Variants in NCKAP5 observed in about 807,000 individuals in gnomAD.
The protein encoded by NCKAP5 is nck-associated protein 5.
A neutral mutation model predicts 167.0 loss-of-function variants in NCKAP5; 92 were observed. The ratio of observed to expected loss-of-function variants is 0.55; its 90% CI spans 0.47 to 0.66. The LOEUF (loss-of-function observed/expected upper bound fraction) is 0.66, where lower values mean the gene tolerates loss of function less well. NCKAP5 is among the 30% of genes least tolerant of loss of function. NCKAP5 has a pLI of 0.00. For synonymous variants in NCKAP5, 891 were observed against 877.4 expected, an observed-to-expected ratio of 1.02 and a Z score of -0.27; for missense variants, 2,378 against 2,315.0, an observed-to-expected ratio of 1.03 and a Z score of -0.56.
At chr2:133,633,071 C>CA in the NCKAP5 span, among the ~76,000 whole-genome samples, 1 of 152,136 alleles carries the variant, frequency 6.6e-6, no homozygotes, top group Non-Finnish European at 1.5e-5. Flanking sequence ...CAAATGTGTG[C>CA]ATCCTTTATT....
At chr2:132,748,281 CAT>C (rs1679817665) in intron 16 of NCKAP5, among the ~76,000 whole-genome samples, 1 of 152,208 alleles carries the variant, frequency 6.6e-6, no homozygotes, top group African/African-American at 2.4e-5. Flanking sequence ...CAAATAAGGT[CAT>C]AAACTCATTC....
intron 2 of NCKAP5, among the ~76,000 whole-genome samples, chr2:133,552,904 G>T (rs541498471): frequency 1.3e-5 from 2 of 152,236 alleles, no homozygotes; most frequent in African/African-American, 4.8e-5. Context: ...GTTGCTATAT[G>T]CTCAAATTGT....
chr2:132,743,030 C>T (rs1169848974), intron 16 of NCKAP5, among the ~76,000 whole-genome samples: 1 of 151,504 alleles, frequency 6.6e-6, no homozygotes, highest in Non-Finnish European at 1.5e-5. Context: ...ATTTTTGCTT[C>T]CATCCATGAA....
chr2:133,290,365 T>G (rs529704992), intron 4 of NCKAP5, among the ~76,000 whole-genome samples: 1 of 152,348 alleles, frequency 6.6e-6, no homozygotes, highest in Non-Finnish European at 1.5e-5. Flanking sequence ...TTGCTTCTAC[T>G]GATAAGGTTG....
intron 5 of NCKAP5, among the ~76,000 whole-genome samples, chr2:133,158,992 G>T (rs1350527654): frequency 1.4e-5 from 2 of 148,006 alleles, no homozygotes; most frequent in East Asian, 4.3e-4. Context: ...ATGTGAATTT[G>T]GCAAGAGTGG....
At chr2:132,949,380 C>T (rs2076112249) in intron 8 of NCKAP5, among the ~76,000 whole-genome samples, 1 of 152,142 alleles carries the variant, frequency 6.6e-6, no homozygotes, top group Non-Finnish European at 1.5e-5. Context: ...CACCTCCAAC[C>T]AGCTCTCTCT....
At chr2:133,001,517 T>C (rs954900422) in intron 6 of NCKAP5, among the ~76,000 whole-genome samples, 5 of 152,276 alleles carry the variant, frequency 3.3e-5, no homozygotes, top group Admixed American at 1.3e-4. Flanking sequence ...ATCAAAAATA[T>C]TTCATTTCAA....
chr2:132,829,090 G>A (rs922238315), intron 11 of NCKAP5, among the ~76,000 whole-genome samples: 7 of 152,244 alleles, frequency 4.6e-5, no homozygotes, highest in Admixed American at 6.5e-5. Context: ...TAAAAACAAC[G>A]ACAATGTCAG....
intron 8 of NCKAP5, among the ~76,000 whole-genome samples, chr2:132,907,824 AT>A (rs1484616121): frequency 6.6e-6 from 1 of 151,724 alleles, no homozygotes; most frequent in Non-Finnish European, 1.5e-5. Flanking sequence ...TGCCCGGCTA[AT>A]TTTTTGTAGT....
At position 132,672,790 on chromosome 2, in the gene NCKAP5, T is replaced by G. The variant is rs1683909462; in HGVS notation, c.*499A>C. On this transcript the variant is annotated 3_prime_UTR_variant, in exon 20 of 20. Coordinates refer to ENST00000409261, the MANE Select transcript of NCKAP5 (RefSeq NM_207363.3). ...TCAAAAAAAGTGCAAAATTAAGGAT[T>G]CTGTATCATAGATGTGTTTACGCTT... 1 of 236,076 alleles carries G rather than the reference T, an allele frequency of 4.2e-6. No homozygotes were observed. The highest frequency in any genetic ancestry group is 6.5e-5 in the Admixed American group (1 of 15,402). 14.6% of individuals were successfully genotyped at this position (236,076 alleles called of 1,614,324 possible). A position where few individuals can be genotyped will look rare whatever the true frequency, so the allele number is the denominator to read the frequency against.
chr2:132,762,341 A>G (rs1441559829), intron 16 of NCKAP5, among the ~76,000 whole-genome samples: 2 of 151,494 alleles, frequency 1.3e-5, no homozygotes, highest in Non-Finnish European at 3.0e-5. Flanking sequence ...GCATACTGCT[A>G]TCTGACTTTG....
intron 16 of NCKAP5, among the ~76,000 whole-genome samples, chr2:132,753,585 C>T (rs1019173256): frequency 6.6e-5 from 10 of 152,166 alleles, no homozygotes; most frequent in Non-Finnish European, 1.2e-4. Flanking sequence ...AATGCCCCCT[C>T]TCCCCACATT....
chr2:133,420,312 G>C (rs1014498191), intron 3 of NCKAP5, among the ~76,000 whole-genome samples: 2 of 152,204 alleles, frequency 1.3e-5, no homozygotes, highest in Non-Finnish European at 2.9e-5. Context: ...CTACAGCATG[G>C]AGAAATCCTG....
chr2:133,052,814 G>T (rs576904676), intron 6 of NCKAP5, among the ~76,000 whole-genome samples: 3 of 151,522 alleles, frequency 2.0e-5, no homozygotes, highest in Admixed American at 2.0e-4. Flanking sequence ...ATAAACAATT[G>T]TTTATCAACA....
At chr2:133,606,041 G>T in the NCKAP5 span, among the ~76,000 whole-genome samples, 1 of 152,112 alleles carries the variant, frequency 6.6e-6, no homozygotes, top group Non-Finnish European at 1.5e-5. Flanking sequence ...AAAAAATGCT[G>T]ATTTTTATGT....
chr2:132,804,220 T>C (rs1419628582), intron 11 of NCKAP5, among the ~76,000 whole-genome samples: 1 of 152,194 alleles, frequency 6.6e-6, no homozygotes, highest in Non-Finnish European at 1.5e-5. Flanking sequence ...GACTCGCATT[T>C]GCTTGCCAAG....
intron 11 of NCKAP5, among the ~76,000 whole-genome samples, chr2:132,836,520 C>T (rs1220630853): frequency 1.3e-5 from 2 of 151,698 alleles, no homozygotes; most frequent in African/African-American, 2.4e-5. Context: ...TCATCAGTAA[C>T]ACGTTCCATA....
chr2:132,798,656 T>C (rs1476338220), intron 11 of NCKAP5, among the ~76,000 whole-genome samples: 1 of 152,212 alleles, frequency 6.6e-6, no homozygotes, highest in Non-Finnish European at 1.5e-5. Flanking sequence ...TCCTCAAGGC[T>C]GTTTCAGTGG....
chr2:133,059,225 A>G (rs191043565), intron 6 of NCKAP5, among the ~76,000 whole-genome samples: 1,852 of 151,834 alleles, frequency 0.012, 26 homozygotes, highest in African/African-American at 0.041. Context: ...GCATGAACCC[A>G]GGAAGGGGAG....
Sources: allele counts gnomAD v4.1 joint callset (sites outside exome capture counted in the v4.1 genomes callset), GRCh38; gene constraint gnomAD v4.1.1; transcripts MANE v1.5; gene names NCBI Gene and HGNC (gene_info 2026-07-23, HGNC 2026-07-21).